ELAPOR1: variants seen among roughly 807,000 people sequenced by gnomAD.
The protein encoded by ELAPOR1 is endosome/lysosome-associated apoptosis and autophagy regulator 1.
A neutral mutation model predicts 119.7 loss-of-function variants in ELAPOR1; 77 were observed. That is an observed-to-expected ratio of 0.64 (90% CI 0.54 to 0.78). The LOEUF (loss-of-function observed/expected upper bound fraction) is 0.78. Among genes scored for constraint, ELAPOR1 ranks in the 30% least tolerant of loss-of-function variants. The pLI is 0.00. For missense variants in ELAPOR1, 1,115 were observed against 1,270.4 expected (o/e 0.88, Z 1.86); for synonymous variants, 481 against 487.2 (o/e 0.99, Z 0.17).
At position 109,171,974 on chromosome 1, in the gene ELAPOR1, A is replaced by G. The variant is rs757879432; in HGVS notation, c.576A>G (p.Glu192=). The G allele has an allele frequency of 4.3e-6, 7 of 1,614,062 alleles. No homozygotes were observed. Among genetic ancestry groups the G allele is most frequent in the South Asian group, 1.1e-5 (1 of 91,092 alleles). Residue 192 remains glutamate (E), a synonymous_variant, in exon 4 of 22, where the codon GAA becomes GAG. Transcript: ENST00000369939. ...NLKQSGTVNF[E]YYYPDSSIIF... is the part of the protein sequence containing the mutation. ...AGCAATCTGGCACCGTTAACTTCGAATACTACTATCCAGACTCCAGCATCA... is the reference window on the plus strand; with the variant it reads ...AGCAATCTGGCACCGTTAACTTCGAGTACTACTATCCAGACTCCAGCATCA...
chr1:109,191,562 C>T (rs1653439589), intron 12 of ELAPOR1, 91 bp downstream of exon 12: 1 of 1,373,244 alleles, frequency 7.3e-7, no homozygotes, highest in Non-Finnish European at 1.0e-6. Flanking sequence ...CTGACACCCC[C>T]CCTTGTAGTG....
At position 109,186,746 on chromosome 1, in the gene ELAPOR1, T is replaced by C. The variant is rs11102951; in HGVS notation, c.1042-1431T>C. The C allele has an allele frequency of 9.6e-3, 9,500 of 985,552 alleles. 703 individuals carry two copies. The African/African-American group carries it at 0.15, about 16-fold the overall frequency. 61.1% of individuals were successfully genotyped at this position (985,552 alleles called of 1,614,324 possible). A position where few individuals can be genotyped will look rare whatever the true frequency, so the allele number is the denominator to read the frequency against. On this transcript the variant is annotated intron_variant, in intron 8 of 21. Transcript: ENST00000369939. ...GCTCTTCTCCCTCCTGTTCATAACA[T>C]GTGACTGAATGTGGCTGTCTTTCCT...
At chr1:109,124,159 C>G (rs559082445) in intron 1 of ELAPOR1, among the ~76,000 whole-genome samples, 1 of 152,260 alleles carries the variant, frequency 6.6e-6, no homozygotes, top group East Asian at 1.9e-4. Flanking sequence ...TCATAACCTA[C>G]TTTTTTCATG....
intron 1 of ELAPOR1, among the ~76,000 whole-genome samples, chr1:109,154,299 A>G (rs867531879): frequency 9.1e-4 from 137 of 150,528 alleles, no homozygotes; most frequent in African/African-American, 2.8e-3. Context: ...AAAAAAAAAA[A>G]AAAAGAAAAG....
At chr1:109,198,293 T>C (rs1021317804) in intron 17 of ELAPOR1, among the ~76,000 whole-genome samples, 1 of 152,208 alleles carries the variant, frequency 6.6e-6, no homozygotes, top group African/African-American at 2.4e-5. Flanking sequence ...AGGAGAAATA[T>C]TGGATGATCT....
chr1:109,159,213 G>A (rs1178095835), intron 1 of ELAPOR1, among the ~76,000 whole-genome samples: 2 of 152,118 alleles, frequency 1.3e-5, no homozygotes, highest in Admixed American at 1.3e-4. Flanking sequence ...GTCTTGAATG[G>A]TGTGATCTCA....
chr1:109,174,068 C>T (rs1279032689), intron 7 of ELAPOR1, among the ~76,000 whole-genome samples: 1 of 150,640 alleles, frequency 6.6e-6, no homozygotes, highest in Non-Finnish European at 1.5e-5. Context: ...GCTGAAGTGC[C>T]GTGGTGCGAT....
intron 15 of ELAPOR1, among the ~76,000 whole-genome samples, chr1:109,196,785 C>T (rs868771701): frequency 8.6e-5 from 13 of 151,948 alleles, no homozygotes; most frequent in South Asian, 4.1e-4. Flanking sequence ...CAGGTTGAAG[C>T]GATTCTCCTG....
intron 20 of ELAPOR1, 109 bp downstream of exon 20, chr1:109,200,346 ACT>A (rs1313996100): frequency 7.8e-7 from 1 of 1,284,680 alleles, no homozygotes; most frequent in African/African-American, 1.5e-5. Flanking sequence ...TTGGCTACAG[ACT>A]CTGTGACTTA....
chr1:109,146,442 C>A (rs1650183845), intron 1 of ELAPOR1, among the ~76,000 whole-genome samples: 1 of 152,096 alleles, frequency 6.6e-6, no homozygotes, highest in Non-Finnish European at 1.5e-5. Context: ...TATGACCTAG[C>A]CTTGGGAGTC....
chr1:109,170,530 G>T (rs1243185471), intron 3 of ELAPOR1, among the ~76,000 whole-genome samples: 1 of 152,042 alleles, frequency 6.6e-6, no homozygotes, highest in Non-Finnish European at 1.5e-5. Context: ...GAGAGAGGAG[G>T]AAGTTCATTC....
At chr1:109,115,889 T>C (rs1408481985) in intron 1 of ELAPOR1, among the ~76,000 whole-genome samples, 1 of 152,196 alleles carries the variant, frequency 6.6e-6, no homozygotes, top group Non-Finnish European at 1.5e-5. Flanking sequence ...AACAGTATGA[T>C]CTTATCAGTG....
chr1:109,163,728 A>C (rs1211736900), intron 2 of ELAPOR1, among the ~76,000 whole-genome samples: 2 of 152,180 alleles, frequency 1.3e-5, no homozygotes, highest in Non-Finnish European at 2.9e-5. Context: ...ACCTCTGACC[A>C]CAGAATGAGC....
At chr1:109,154,358 A>G (rs761476731) in intron 1 of ELAPOR1, among the ~76,000 whole-genome samples, 9 of 152,112 alleles carry the variant, frequency 5.9e-5, no homozygotes, top group Non-Finnish European at 1.3e-4. Context: ...TACCCGTACA[A>G]AATAATAAGT....
At chr1:109,124,888 TG>T (rs1404349358) in intron 1 of ELAPOR1, among the ~76,000 whole-genome samples, 26 of 152,296 alleles carry the variant, frequency 1.7e-4, no homozygotes, top group East Asian at 5.8e-4. Context: ...GGAGATTTTC[TG>T]GCTCCTCACT....
chr1:109,141,961 G>A (rs1181504684), intron 1 of ELAPOR1, among the ~76,000 whole-genome samples: 3 of 151,944 alleles, frequency 2.0e-5, no homozygotes, highest in Admixed American at 6.6e-5. Context: ...CACTGTGCCC[G>A]GCCTATTTTG....
chr1:109,122,730 G>T (rs1416589090), intron 1 of ELAPOR1, among the ~76,000 whole-genome samples: 1 of 152,130 alleles, frequency 6.6e-6, no homozygotes, highest in Non-Finnish European at 1.5e-5. Context: ...GCCAAGGTGG[G>T]CAGATCACTT....
chr1:109,183,770 C>T (rs1418920755), intron 7 of ELAPOR1, among the ~76,000 whole-genome samples: 1 of 152,040 alleles, frequency 6.6e-6, no homozygotes, highest in Non-Finnish European at 1.5e-5. Flanking sequence ...GCCTGCACCA[C>T]CACGCCCGGC....
At chr1:109,115,800 T>C (rs1056533267) in intron 1 of ELAPOR1, among the ~76,000 whole-genome samples, 1 of 152,216 alleles carries the variant, frequency 6.6e-6, no homozygotes, top group Non-Finnish European at 1.5e-5. Context: ...ATAACCTTTA[T>C]TAGCTCCAAT....
Sources: gnomAD v4.1 joint callset for allele counts (sites outside exome capture counted in the v4.1 genomes callset) on GRCh38, gnomAD v4.1.1 for gene constraint, MANE v1.5 for transcripts, NCBI Gene and HGNC (gene_info 2026-07-23, HGNC 2026-07-21) for gene names.